Variants in DMD observed in about 807,000 individuals in gnomAD.
DMD encodes dystrophin.
DMD carries 63 observed loss-of-function variants against 330.1 expected under a neutral mutation model. The observed-to-expected ratio is 0.19, with a 90% CI of 0.16 to 0.24. The LOEUF is 0.24. Among genes scored for constraint, DMD ranks in the 10% least tolerant of loss-of-function variants. The pLI is 1.00. For missense variants in DMD, 3,344 were observed against 2,684.1 expected (o/e 1.25, Z -5.43); for synonymous variants, 1,223 against 959.8 (o/e 1.27, Z -5.07).
At chrX:31,207,267 T>A (rs769849546) in intron 65 of DMD, among the ~76,000 whole-genome samples, 47 of 112,256 alleles carry the variant, frequency 4.2e-4, no homozygotes, top group Middle Eastern at 9.3e-3. Flanking sequence ...ATATATGATC[T>A]AAAAAATAAA....
Position 32,595,888 on chromosome X carries a change from A to G in DMD, c.1483-12T>C. ...TCTTCTTGAAGCACCTGAAAGATAAAATGTTTTAAAGGAAATTAAAATGAT... is the reference window on the plus strand; with the variant it reads ...TCTTCTTGAAGCACCTGAAAGATAAGATGTTTTAAAGGAAATTAAAATGAT... On this transcript the variant is annotated splice_polypyrimidine_tract_variant and intron_variant, in intron 12 of 78. Transcript: ENST00000357033. 8.5e-7 allele frequency: 1 copy of G among 1,176,941 alleles called. No individual in the cohort carries two copies. The highest frequency in any genetic ancestry group is 1.2e-6 in the Non-Finnish European group (1 of 864,279).
chrX:32,062,493 A>G (rs1383697498), intron 44 of DMD, among the ~76,000 whole-genome samples: 1 of 111,045 alleles, frequency 9.0e-6, no homozygotes, highest in Non-Finnish European at 1.9e-5. Context: ...ATATGAATAC[A>G]GATAAATGTC....
At chrX:32,514,025 G>T (rs1466132996) in intron 18 of DMD, among the ~76,000 whole-genome samples, 1 of 111,369 alleles carries the variant, frequency 9.0e-6, no homozygotes, top group African/African-American at 3.3e-5. Flanking sequence ...TCACATGCAT[G>T]TTTATAGGAG....
At chrX:33,232,709 G>A (rs1266761298) in intron 1 of DMD, among the ~76,000 whole-genome samples, 1 of 111,417 alleles carries the variant, frequency 9.0e-6, no homozygotes, top group Non-Finnish European at 1.9e-5. Context: ...TGGTCAACAT[G>A]TTGAAACCCC....
intron 1 of DMD, among the ~76,000 whole-genome samples, chrX:33,087,640 A>G (rs778316183): frequency 9.4e-4 from 105 of 112,099 alleles, no homozygotes; most frequent in Non-Finnish European, 1.5e-3. Context: ...GCCATGTGAT[A>G]GCTGTGTGAC....
chrX:31,154,268 A>G (rs2037812521), intron 74 of DMD, among the ~76,000 whole-genome samples: 3 of 109,925 alleles, frequency 2.7e-5, no homozygotes, highest in Non-Finnish European at 5.7e-5. Flanking sequence ...GTTCCAAGGT[A>G]AGTTATTCTA....
intron 52 of DMD, among the ~76,000 whole-genome samples, chrX:31,701,166 A>T (rs1461900661): frequency 8.9e-6 from 1 of 112,181 alleles, no homozygotes; most frequent in South Asian, 3.7e-4. Flanking sequence ...AAATATTTTT[A>T]AAATCATGTA....
chrX:31,368,280 T>C (rs73212337), intron 60 of DMD, among the ~76,000 whole-genome samples: 3,716 of 112,422 alleles, frequency 0.033, 94 homozygotes, highest in Admixed American at 0.12. Context: ...ACAGCTTTGA[T>C]AGAAAAACTT....
At chrX:31,187,090 CTG>C (rs2041842000) in intron 67 of DMD, among the ~76,000 whole-genome samples, 1 of 112,291 alleles carries the variant, frequency 8.9e-6, no homozygotes, top group Admixed American at 9.3e-5. Context: ...CTTTATCTCT[CTG>C]TGTCTTACTT....
intron 74 of DMD, among the ~76,000 whole-genome samples, chrX:31,151,702 C>T (rs2147981254): frequency 8.9e-6 from 1 of 112,657 alleles, no homozygotes; most frequent in South Asian, 3.7e-4. Context: ...GCAGGCCTTT[C>T]TTTCCTTCCC....
At chrX:31,331,055 G>A (rs1228450854) in intron 61 of DMD, among the ~76,000 whole-genome samples, 1 of 112,280 alleles carries the variant, frequency 8.9e-6, no homozygotes, top group Admixed American at 9.5e-5. Flanking sequence ...AGAGACAGAT[G>A]GGCTACATTC....
intron 57 of DMD, among the ~76,000 whole-genome samples, chrX:31,483,267 C>T (rs1274211013): frequency 1.2e-4 from 13 of 109,055 alleles, no homozygotes; most frequent in Admixed American, 6.8e-4. Context: ...AGGATGGTCT[C>T]CATCTCCCAA....
chrX:31,255,867 CTGGGTTCAAGTGA>C (rs2049906526), intron 63 of DMD, among the ~76,000 whole-genome samples: 1 of 104,184 alleles, frequency 9.6e-6, no homozygotes, highest in South Asian at 4.6e-4. Flanking sequence ...CCTCCGACTC[CTGGGTTCAAGTGA>C]TTCTTCAGCC....
At chrX:33,017,730 C>T (rs2093830886) in intron 2 of DMD, among the ~76,000 whole-genome samples, 1 of 111,408 alleles carries the variant, frequency 9.0e-6, no homozygotes, top group Non-Finnish European at 1.9e-5. Context: ...CAGATTCCCT[C>T]TAGCTCAGAT....
At chrX:31,736,990 T>G (rs1257398217) in intron 51 of DMD, among the ~76,000 whole-genome samples, 2 of 112,187 alleles carry the variant, frequency 1.8e-5, no homozygotes, top group Non-Finnish European at 3.8e-5. Context: ...TTTAGAACAT[T>G]TCCCATTTCA....
intron 54 of DMD, among the ~76,000 whole-genome samples, chrX:31,630,800 C>G (rs1429646058): frequency 9.0e-6 from 1 of 111,280 alleles, no homozygotes; most frequent in Non-Finnish European, 1.9e-5. Flanking sequence ...CTGAATTTTA[C>G]AAGTAACAAT....
intron 2 of DMD, among the ~76,000 whole-genome samples, chrX:32,984,996 C>T (rs2092807446): frequency 8.9e-6 from 1 of 111,832 alleles, no homozygotes; most frequent in Non-Finnish European, 1.9e-5. Context: ...GAAAGATGTA[C>T]AATATAATTT....
intron 43 of DMD, among the ~76,000 whole-genome samples, chrX:32,227,569 T>G: frequency 9.4e-6 from 1 of 105,983 alleles, no homozygotes; most frequent in African/African-American, 3.4e-5. Context: ...GGCGAGAGGG[T>G]GGGATGGGGG....
At chrX:32,220,663 C>G (rs754870880) in intron 43 of DMD, among the ~76,000 whole-genome samples, 7 of 110,427 alleles carry the variant, frequency 6.3e-5, no homozygotes, top group Non-Finnish European at 1.1e-4. Context: ...TATATTTTTT[C>G]TGGTTTTACA....
Sources: allele counts gnomAD v4.1 joint callset (sites outside exome capture counted in the v4.1 genomes callset), GRCh38; gene constraint gnomAD v4.1.1; transcripts MANE v1.5; gene names NCBI Gene and HGNC (gene_info 2026-07-23, HGNC 2026-07-21).